Variants in ZC3H12B observed in about 807,000 individuals in gnomAD.
ZC3H12B encodes zinc finger CCCH-type containing 12B, also known as probable ribonuclease ZC3H12B.
In ZC3H12B, 7 loss-of-function variants were observed where a neutral mutation model predicts 43.9. The observed-to-expected ratio is 0.16, with a 90% CI of 0.09 to 0.30. The LOEUF (loss-of-function observed/expected upper bound fraction) is 0.30, where lower values mean the gene tolerates loss of function less well. Among genes scored for constraint, ZC3H12B ranks in the 10% least tolerant of loss-of-function variants. The pLI is 1.00. For synonymous variants in ZC3H12B, 222 were observed against 241.7 expected, an observed-to-expected ratio of 0.92 and a Z score of 0.76; for missense variants, 475 against 670.2, an observed-to-expected ratio of 0.71 and a Z score of 3.22.
chrX:65,086,770 A>G, the ZC3H12B span, among the ~76,000 whole-genome samples: 6 of 112,022 alleles, frequency 5.4e-5, no homozygotes, highest in Non-Finnish European at 9.4e-5. Flanking sequence ...AAATAAATTT[A>G]TGTTGTTTAT....
chrX:65,298,748 C>A, the ZC3H12B span, among the ~76,000 whole-genome samples: 2 of 111,667 alleles, frequency 1.8e-5, no homozygotes, highest in Non-Finnish European at 3.8e-5. Context: ...TAAAGAACTG[C>A]CTGAGACTGG....
the ZC3H12B span, among the ~76,000 whole-genome samples, chrX:65,121,523 T>C: frequency 8.9e-6 from 1 of 111,743 alleles, no homozygotes; most frequent in Non-Finnish European, 1.9e-5. Flanking sequence ...TTATTCCGTC[T>C]ATTTGATTCT....
chrX:65,397,507 A>T (rs1162905327), intron 2 of ZC3H12B, among the ~76,000 whole-genome samples: 1 of 111,774 alleles, frequency 8.9e-6, no homozygotes, highest in Non-Finnish European at 1.9e-5. Context: ...TTCTTTAAAA[A>T]TATTGAATAT....
intron 3 of ZC3H12B, among the ~76,000 whole-genome samples, chrX:65,457,392 G>A: frequency 1.6e-5 from 1 of 62,660 alleles, no homozygotes; most frequent in South Asian, 9.1e-4. Flanking sequence ...CCCCTACTGG[G>A]AAGTGAGGAG....
At chrX:65,083,756 C>T in the ZC3H12B span, among the ~76,000 whole-genome samples, 1 of 111,471 alleles carries the variant, frequency 9.0e-6, no homozygotes, top group East Asian at 2.8e-4. Flanking sequence ...AAATACAATC[C>T]TAAATTTTAT....
At chrX:65,247,288 G>A in the ZC3H12B span, among the ~76,000 whole-genome samples, 4 of 112,220 alleles carry the variant, frequency 3.6e-5, no homozygotes, top group African/African-American at 6.5e-5. Flanking sequence ...CACTGTTGGC[G>A]GGAGTGTAAA....
At chrX:65,247,606 A>T in the ZC3H12B span, among the ~76,000 whole-genome samples, 1 of 112,690 alleles carries the variant, frequency 8.9e-6, no homozygotes, top group African/African-American at 3.2e-5. Flanking sequence ...ATGGATTTGG[A>T]AGCCATTATT....
the ZC3H12B span, among the ~76,000 whole-genome samples, chrX:65,211,571 G>T: frequency 9.9e-6 from 1 of 100,508 alleles, no homozygotes; most frequent in African/African-American, 3.6e-5. Flanking sequence ...CTTGCTCAAA[G>T]TCATACATCT....
the ZC3H12B span, among the ~76,000 whole-genome samples, chrX:65,190,405 C>T: frequency 6.3e-5 from 7 of 111,152 alleles, no homozygotes; most frequent in South Asian, 3.8e-4. Context: ...GCCATTTTCA[C>T]GATATTGATT....
the ZC3H12B span, among the ~76,000 whole-genome samples, chrX:65,176,079 C>A: frequency 1.1e-4 from 12 of 111,861 alleles, no homozygotes; most frequent in African/African-American, 3.9e-4. Flanking sequence ...AGCCAGGGAG[C>A]CAAGTGGTCT....
At chrX:65,059,219 A>ACCCCCCCCC in the ZC3H12B span, among the ~76,000 whole-genome samples, 23 of 38,457 alleles carry the variant, frequency 6.0e-4, no homozygotes, top group Non-Finnish European at 1.0e-3. Context: ...TCTTGGAACC[A>ACCCCCCCCC]CCCCCCCCCC....
chrX:65,266,589 C>T, the ZC3H12B span, among the ~76,000 whole-genome samples: 4 of 111,630 alleles, frequency 3.6e-5, no homozygotes, highest in Admixed American at 1.9e-4. Flanking sequence ...AGTAAAGGAG[C>T]GCTATGGAAT....
the ZC3H12B span, among the ~76,000 whole-genome samples, chrX:65,139,403 G>T: frequency 1.8e-5 from 2 of 111,743 alleles, no homozygotes; most frequent in Non-Finnish European, 3.8e-5. Flanking sequence ...GACTATAAAT[G>T]TGTGGATTTA....
Position 65,501,645 on chromosome X carries a change from C to G in ZC3H12B, c.1091-144C>G, listed in dbSNP as rs1289717345. ...ATGATGCCTCCTTGGTGTTGTCTGT[C>G]TCTCATCTTTGTGGACAGTTAATTT... On this transcript the variant is annotated intron_variant, in intron 4 of 4. Transcript: ENST00000338957. 9 of 549,345 alleles carry G rather than the reference C, an allele frequency of 1.6e-5. No individual in the cohort carries two copies. In the African/African-American group the frequency reaches 2.1e-4, roughly 13 times the overall value. 45.3% of individuals were successfully genotyped at this position (549,345 alleles called of 1,213,427 possible).
rs183330760 is a variant in ZC3H12B at position 65,379,334 on chromosome X, C to T, written n.295+10336C>T. On this transcript the variant is annotated intron_variant and non_coding_transcript_variant, in intron 2 of 5. Coordinates refer to the ZC3H12B transcript ENST00000617377. ...ATGCAGCCTAACTGGGAGACACCCC[C>T]CAGCAAGGGCAGACGGACACCTCAC... Among the ~76,000 whole-genome samples the T allele has an allele frequency of 7.1e-4, 79 of 111,645 alleles. 1 individual carries two copies. In the East Asian group the frequency reaches 0.021, roughly 30 times the overall value.
the ZC3H12B span, among the ~76,000 whole-genome samples, chrX:65,238,984 A>T: frequency 9.0e-6 from 1 of 111,699 alleles, no homozygotes; most frequent in East Asian, 2.8e-4. Context: ...TTATTTGCTG[A>T]GGAGTGTTTT....
chrX:65,387,862 C>T (rs973016868), intron 2 of ZC3H12B, among the ~76,000 whole-genome samples: 10 of 112,353 alleles, frequency 8.9e-5, no homozygotes, highest in Non-Finnish European at 1.7e-4. Context: ...TCAGCATTTG[C>T]TTGTCTGTAA....
At chrX:65,226,889 T>C in the ZC3H12B span, among the ~76,000 whole-genome samples, 1 of 111,293 alleles carries the variant, frequency 9.0e-6, no homozygotes, top group East Asian at 2.8e-4. Context: ...AAGCAAGTCC[T>C]CAGTGACCTA....
chrX:65,343,663 GA>G, the ZC3H12B span, among the ~76,000 whole-genome samples: 1 of 112,049 alleles, frequency 8.9e-6, no homozygotes, highest in Admixed American at 9.5e-5. Flanking sequence ...AGCATTTATT[GA>G]AAGAACATAC....
Sources: allele counts gnomAD v4.1 joint callset (sites outside exome capture counted in the v4.1 genomes callset), GRCh38; gene constraint gnomAD v4.1.1; transcripts MANE v1.5; gene names NCBI Gene and HGNC (gene_info 2026-07-23, HGNC 2026-07-21).